The following MROH9 variants were observed in gnomAD, a reference collection of about 807,000 sequenced individuals.
MROH9 encodes the protein maestro heat like repeat family member 9.
In MROH9, 92 loss-of-function variants were observed where a neutral mutation model predicts 98.2. That is an observed-to-expected ratio of 0.94 (90% confidence interval 0.79 to 1.11). The LOEUF is 1.11. Among genes scored for constraint, MROH9 ranks in the 50% most tolerant of loss-of-function variants. MROH9 has a pLI of 0.00. For synonymous variants in MROH9, 397 were observed against 368.9 expected (o/e 1.08, Z -0.87); for missense variants, 1,057 against 1,014.8 (o/e 1.04, Z -0.57).
intron 15 of MROH9, among the ~76,000 whole-genome samples, chr1:171,005,955 G>A (rs1469938509): frequency 6.6e-6 from 1 of 152,014 alleles, no homozygotes; most frequent in African/African-American, 2.4e-5. Context: ...AGAGTTAAAT[G>A]TGATTTACAC....
rs569498352 is a variant in MROH9 at position 171,061,716 on chromosome 1, G to A, written c.2282-416G>A. ...GCCTCTGCCATGTAGCAATGGAAAT[G>A]AACAAACTATTGCTACATGAAAGAA... On this transcript the variant is annotated intron_variant, in intron 20 of 21. Coordinates refer to ENST00000367759, the MANE Select transcript of MROH9 (RefSeq NM_001163629.2). 2.6e-5 allele frequency among the ~76,000 whole-genome samples: 4 copies of A among 152,256 alleles called. No individual in the cohort carries two copies. In the South Asian group the frequency reaches 8.3e-4, roughly 32 times the overall value.
chr1:170,979,207 A>G (rs1292626184), intron 8 of MROH9, among the ~76,000 whole-genome samples: 1 of 152,214 alleles, frequency 6.6e-6, no homozygotes, highest in Non-Finnish European at 1.5e-5. Flanking sequence ...TATTGCAGTG[A>G]TCTGAAACCA....
chr1:170,943,511 A>G (rs1196214406), intron 1 of MROH9, among the ~76,000 whole-genome samples: 1 of 152,034 alleles, frequency 6.6e-6, no homozygotes, highest in African/African-American at 2.4e-5. Context: ...ATATAGATTC[A>G]AAAGCAGACT....
chr1:171,002,069 C>CT (rs1343090925), intron 15 of MROH9, among the ~76,000 whole-genome samples: 1 of 151,838 alleles, frequency 6.6e-6, no homozygotes, highest in Non-Finnish European at 1.5e-5. Flanking sequence ...CTCCTGCTCA[C>CT]TTGCAGTGTT....
intron 20 of MROH9, among the ~76,000 whole-genome samples, chr1:171,046,416 C>T (rs796911245): frequency 6.6e-6 from 1 of 152,044 alleles, no homozygotes; most frequent in Admixed American, 6.5e-5. Context: ...TTTTCTCTGG[C>T]AGTATAATTT....
intron 6 of MROH9, 39 bp downstream of exon 6, chr1:170,962,015 G>A: frequency 1.8e-6 from 2 of 1,113,896 alleles, no homozygotes; most frequent in Non-Finnish European, 2.6e-6. Flanking sequence ...CTTGTCATAA[G>A]TCTAGTATGC....
chr1:170,938,555 G>A (rs1476200988), intron 1 of MROH9, among the ~76,000 whole-genome samples: 1 of 152,188 alleles, frequency 6.6e-6, no homozygotes, highest in Non-Finnish European at 1.5e-5. Flanking sequence ...AACATGGTAA[G>A]ACTAGTGAAT....
intron 20 of MROH9, among the ~76,000 whole-genome samples, chr1:171,052,505 C>A (rs189083930): frequency 6.6e-6 from 1 of 152,226 alleles, no homozygotes; most frequent in East Asian, 1.9e-4. Context: ...ACTCCAAATG[C>A]CGGGAGATAT....
chr1:170,967,514 C>A (rs778002116), intron 7 of MROH9, among the ~76,000 whole-genome samples: 1 of 152,120 alleles, frequency 6.6e-6, no homozygotes, highest in South Asian at 2.1e-4. Flanking sequence ...ATATCATCAA[C>A]GAATATTTGT....
rs1654088485 is a variant in MROH9, at chr1:171,063,948, A to G, written c.2345-151A>G. The G allele has an allele frequency of 1.2e-5, 9 of 755,312 alleles. No individual in the cohort carries two copies. The East Asian group carries it at 2.2e-4, about 19-fold the overall frequency. 46.8% of individuals were successfully genotyped at this position (755,312 alleles called of 1,614,324 possible). On this transcript the variant is annotated intron_variant, in intron 21 of 21. Transcript: ENST00000367759. ...TAGATGATAAAACTTCCTGAATGCT[A>G]TCAGCCAAAGTTACAAAATGCAGAG...
In MROH9 at chr1:170,945,551, G is replaced by A; in HGVS notation, c.-6G>A. On this transcript the variant is annotated 5_prime_UTR_variant, in exon 2 of 22. Coordinates refer to ENST00000367759, the MANE Select transcript of MROH9 (RefSeq NM_001163629.2). ...TAGTAGAAGACTTTAATACACCTCTGTCAGCATGTTGACAAGGAATCCAAA... is the reference window on the plus strand; with the variant it reads ...TAGTAGAAGACTTTAATACACCTCTATCAGCATGTTGACAAGGAATCCAAA... 6.2e-7 allele frequency: 1 copy of A among 1,612,156 alleles called. No individual in the cohort carries two copies. The highest frequency in any genetic ancestry group is 1.7e-4 in the Middle Eastern group (1 of 6,040).
intron 20 of MROH9, among the ~76,000 whole-genome samples, chr1:171,035,172 G>T (rs965517864): frequency 6.6e-5 from 10 of 151,864 alleles, no homozygotes; most frequent in Non-Finnish European, 1.2e-4. Context: ...CAAGCTGAGA[G>T]AAATATTTGC....
rs1025705912 is a variant in MROH9 at position 170,992,304 on chromosome 1, A to G, written c.1169A>G (p.Asp390Gly). ...TVTEGKRFSL[D>G]ITNLMPLAAC... ...ACGGAAGGGAAACGTTTCTCTCTTG[A>G]TATTACCAACTTGATGCCTTTGGCG... The change falls in exon 12 of 22, where the codon GAT (aspartate) becomes GGT (glycine). Residue 390 changes from aspartate (D) to glycine (G), a missense_variant. By Grantham distance (94) the Asp-to-Gly change is moderately conservative. Coordinates refer to ENST00000367759, the MANE Select transcript of MROH9 (RefSeq NM_001163629.2). 3 of 1,613,398 alleles carry G rather than the reference A, an allele frequency of 1.9e-6. No homozygotes were observed. Among genetic ancestry groups the G allele is most frequent in the Non-Finnish European group, 2.5e-6 (3 of 1,179,580 alleles).
At chr1:171,003,901 T>A (rs1651864862) in intron 15 of MROH9, among the ~76,000 whole-genome samples, 1 of 151,928 alleles carries the variant, frequency 6.6e-6, no homozygotes, top group Non-Finnish European at 1.5e-5. Context: ...AGACTCCCCT[T>A]GGGTGGGTCT....
At chr1:171,000,187 A>G (rs1358311706) in intron 15 of MROH9, among the ~76,000 whole-genome samples, 1 of 152,046 alleles carries the variant, frequency 6.6e-6, no homozygotes, top group African/African-American at 2.4e-5. Flanking sequence ...CTTTAGTTTA[A>G]TTAGGTCTCA....
chr1:170,954,063 C>G (rs991463666), intron 3 of MROH9, among the ~76,000 whole-genome samples: 1 of 151,990 alleles, frequency 6.6e-6, no homozygotes, highest in African/African-American at 2.4e-5. Context: ...TGGTCTGATT[C>G]TCTAGTCTTT....
intron 20 of MROH9, among the ~76,000 whole-genome samples, chr1:171,042,848 T>C (rs1471792617): frequency 6.6e-6 from 1 of 152,150 alleles, no homozygotes; most frequent in Non-Finnish European, 1.5e-5. Context: ...ATGTTTTTCC[T>C]ATAGAGTTGT....
chr1:171,032,406 C>T (rs774490393), intron 20 of MROH9, among the ~76,000 whole-genome samples: 24 of 152,258 alleles, frequency 1.6e-4, no homozygotes, highest in Non-Finnish European at 2.6e-4. Context: ...TTCTCATCTT[C>T]GTGAGTTTGT....
rs183973425 is a variant in MROH9 at position 170,944,855 on chromosome 1, A to G, written c.-37-665A>G. On this transcript the variant is annotated intron_variant, in intron 1 of 21. Transcript: ENST00000367759. ...CCACTTGAAGCTGAAATATTTAGGA[A>G]GGAAGGGTACGGGATGAAGATCTGA... 4.8e-3 allele frequency among the ~76,000 whole-genome samples: 725 copies of G among 152,174 alleles called. 8 individuals carry two copies. The highest frequency in any genetic ancestry group is 0.017 in the African/African-American group (689 of 41,530).
Sources: gnomAD v4.1 joint callset for allele counts (sites outside exome capture counted in the v4.1 genomes callset) on GRCh38, gnomAD v4.1.1 for gene constraint, MANE v1.5 for transcripts, NCBI Gene and HGNC (gene_info 2026-07-23, HGNC 2026-07-21) for gene names.